C16orf74: variants seen among roughly 807,000 people sequenced by gnomAD.
C16orf74 encodes the protein calcimembrin.
Under a neutral mutation model 6.5 loss-of-function variants are expected in C16orf74, and 10 were observed. That is an observed-to-expected ratio of 1.54 (90% CI 0.95 to 2.61). The LOEUF is 2.61. C16orf74 is among the 30% of genes most tolerant of loss of function. The pLI, the probability that C16orf74 is intolerant of heterozygous loss-of-function variation, is 0.00. For synonymous variants in C16orf74, 60 were observed against 42.5 expected, an observed-to-expected ratio of 1.41 and a Z score of -1.60; for missense variants, 141 against 105.9, an observed-to-expected ratio of 1.33 and a Z score of -1.45.
In C16orf74 at chr16:85,710,269, C is replaced by T. The variant is rs768084861; in HGVS notation, c.67G>A (p.Asp23Asn). 11 of 1,516,572 alleles carry T rather than the reference C, an allele frequency of 7.3e-6. No individual in the cohort carries two copies. Among genetic ancestry groups the T allele is most frequent in the Middle Eastern group, 1.7e-4 (1 of 5,842 alleles). The allele number at this position is 1,516,572 out of a possible 1,614,324, so 93.9% of individuals were successfully genotyped here. ...TTGTCGTTCAGGACGGGGGCCTCGT[C>T]GTGGCTGCTGCTGCTGCTGCTGACA... is the stretch of plus-strand genomic sequence containing the variant. ...MCVSSSSSSH[D>N]EAPVLNDKHL... Residue 23 changes from aspartate (D) to asparagine (N), a missense_variant, in exon 3 of 4, where the codon GAC becomes AAC. Asp to Asn is a conservative substitution (Grantham distance 23, BLOSUM62 1). Transcript: ENST00000284245.
At chr16:85,710,911 T>A (rs1267509546) in intron 2 of C16orf74, 2 of 152,344 alleles carry the variant, frequency 1.3e-5, no homozygotes, top group African/African-American at 4.8e-5. Context: ...TTATTTTTAC[T>A]TCTGCCTCTC....
At chr16:85,747,120 A>G (rs974238630) in intron 1 of C16orf74, among the ~76,000 whole-genome samples, 4 of 152,200 alleles carry the variant, frequency 2.6e-5, no homozygotes, top group African/African-American at 9.6e-5. Flanking sequence ...TGTGACTCAC[A>G]GCAAAATACT....
intron 1 of C16orf74, among the ~76,000 whole-genome samples, chr16:85,746,680 G>A (rs941632633): frequency 4.6e-5 from 7 of 152,194 alleles, no homozygotes; most frequent in East Asian, 3.9e-4. Flanking sequence ...TTTGCCAGGT[G>A]AGTGGGCTCC....
intron 1 of C16orf74, among the ~76,000 whole-genome samples, chr16:85,749,622 T>A (rs1458623164): frequency 6.6e-6 from 1 of 152,230 alleles, no homozygotes; most frequent in Non-Finnish European, 1.5e-5. Flanking sequence ...CAGTATTTGG[T>A]TGGAGAGTTG....
At chr16:85,721,535 G>A (rs1052727144) in intron 2 of C16orf74, among the ~76,000 whole-genome samples, 10 of 152,184 alleles carry the variant, frequency 6.6e-5, no homozygotes, top group Non-Finnish European at 1.3e-4. Context: ...CCCATGCAAT[G>A]CTTGGGACAT....
chr16:85,738,854 C>A (rs888808986), intron 1 of C16orf74, among the ~76,000 whole-genome samples: 2 of 152,132 alleles, frequency 1.3e-5, no homozygotes, highest in African/African-American at 4.8e-5. Context: ...CTCACTATAA[C>A]CCCATGAAGT....
intron 2 of C16orf74, among the ~76,000 whole-genome samples, chr16:85,720,960 G>A (rs1296612330): frequency 1.3e-5 from 2 of 151,914 alleles, no homozygotes; most frequent in East Asian, 3.9e-4. Context: ...CCGTGGTGGT[G>A]GGCACCTGTA....
At chr16:85,715,881 G>A (rs147367519) in intron 2 of C16orf74, among the ~76,000 whole-genome samples, 2 of 152,322 alleles carry the variant, frequency 1.3e-5, no homozygotes, top group Non-Finnish European at 2.9e-5. Flanking sequence ...GCTCCCTCTT[G>A]AAGGGCTGCG....
chr16:85,722,745 C>T (rs1205106758), intron 2 of C16orf74, among the ~76,000 whole-genome samples: 3 of 151,862 alleles, frequency 2.0e-5, no homozygotes, highest in Non-Finnish European at 2.9e-5. Context: ...GACGGGAAAG[C>T]CCCGGCCCAG....
intron 1 of C16orf74, among the ~76,000 whole-genome samples, chr16:85,745,411 T>TTACC (rs2054362465): frequency 6.6e-6 from 1 of 152,182 alleles, no homozygotes; most frequent in African/African-American, 2.4e-5. Flanking sequence ...GTGCCACAAA[T>TTACC]TACCAGCTCA....
At chr16:85,745,254 G>C (rs1214269119) in intron 1 of C16orf74, among the ~76,000 whole-genome samples, 1 of 151,878 alleles carries the variant, frequency 6.6e-6, no homozygotes, top group African/African-American at 2.4e-5. Context: ...CCTCGGCAGA[G>C]GTCCACCCCC....
At chr16:85,748,952 T>A (rs925681646) in intron 1 of C16orf74, among the ~76,000 whole-genome samples, 27 of 149,318 alleles carry the variant, frequency 1.8e-4, no homozygotes, top group Admixed American at 1.0e-3. Context: ...TTTTTTATTT[T>A]ATTTTTTTTT....
At chr16:85,742,486 G>A (rs578009608) in intron 1 of C16orf74, among the ~76,000 whole-genome samples, 2 of 152,056 alleles carry the variant, frequency 1.3e-5, no homozygotes, top group South Asian at 4.1e-4. Flanking sequence ...GCAGCCTGAG[G>A]CCCTCACCAT....
chr16:85,720,490 G>A (rs143545576), intron 2 of C16orf74, among the ~76,000 whole-genome samples: 8 of 152,250 alleles, frequency 5.3e-5, no homozygotes, highest in East Asian at 1.9e-4. Flanking sequence ...GTCCAGGGTC[G>A]GGCACAGTGA....
At chr16:85,741,974 G>A (rs536375820) in intron 1 of C16orf74, among the ~76,000 whole-genome samples, 2 of 152,326 alleles carry the variant, frequency 1.3e-5, no homozygotes, top group African/African-American at 4.8e-5. Context: ...GATGGGAGGT[G>A]TCTGGGTCAT....
intron 1 of C16orf74, among the ~76,000 whole-genome samples, chr16:85,743,964 G>C (rs1320491399): frequency 6.6e-6 from 1 of 151,990 alleles, no homozygotes; most frequent in Non-Finnish European, 1.5e-5. Flanking sequence ...TGAGGCAGGA[G>C]AACGGTGAGA....
At chr16:85,713,044 G>A (rs1256001717) in intron 2 of C16orf74, among the ~76,000 whole-genome samples, 1 of 152,166 alleles carries the variant, frequency 6.6e-6, no homozygotes, top group Non-Finnish European at 1.5e-5. Context: ...CCAGGCGGCT[G>A]GAACAATGGA....
intron 2 of C16orf74, among the ~76,000 whole-genome samples, chr16:85,712,128 G>C (rs955418285): frequency 6.6e-6 from 1 of 152,234 alleles, no homozygotes; most frequent in African/African-American, 2.4e-5. Flanking sequence ...GCTCACGTGG[G>C]TGAGGAATCA....
intron 1 of C16orf74, among the ~76,000 whole-genome samples, chr16:85,742,929 T>C (rs938195478): frequency 5.3e-5 from 8 of 152,228 alleles, no homozygotes; most frequent in African/African-American, 2.4e-5. Flanking sequence ...CTCACTACTG[T>C]TGTCATCCTT....
Sources: allele counts gnomAD v4.1 joint callset (sites outside exome capture counted in the v4.1 genomes callset), GRCh38; gene constraint gnomAD v4.1.1; transcripts MANE v1.5; gene names NCBI Gene and HGNC (gene_info 2026-07-23, HGNC 2026-07-21).